The following ITGBL1 variants were observed in gnomAD, a reference collection of about 807,000 sequenced individuals.
The protein encoded by ITGBL1 is integrin subunit beta like 1.
A neutral mutation model predicts 68.5 loss-of-function variants in ITGBL1; 51 were observed. The observed-to-expected ratio is 0.74, with a 90% CI of 0.59 to 0.94. The LOEUF (loss-of-function observed/expected upper bound fraction) is 0.94, where lower values mean the gene tolerates loss of function less well. Ranked by LOEUF, ITGBL1 falls within the 40% of genes least tolerant of loss-of-function variation. The pLI is 0.00. For missense variants in ITGBL1, 649 were observed against 647.4 expected, an observed-to-expected ratio of 1.00 and a Z score of -0.03; for synonymous variants, 209 against 227.3, an observed-to-expected ratio of 0.92 and a Z score of 0.72.
intron 2 of ITGBL1, among the ~76,000 whole-genome samples, chr13:101,476,045 T>C (rs1318613029): frequency 6.6e-6 from 1 of 152,106 alleles, no homozygotes; most frequent in Non-Finnish European, 1.5e-5. Context: ...AACAGACAAA[T>C]ACAGAATATT....
intron 2 of ITGBL1, among the ~76,000 whole-genome samples, chr13:101,469,158 A>G (rs1471642116): frequency 2.0e-5 from 3 of 152,248 alleles, no homozygotes; most frequent in African/African-American, 4.8e-5. Flanking sequence ...TAATATACGT[A>G]TAGCCTTTTT....
chr13:101,653,145 G>GGGAGGA (rs368569185), intron 7 of ITGBL1, among the ~76,000 whole-genome samples: 1 of 150,488 alleles, frequency 6.6e-6, no homozygotes, highest in East Asian at 2.0e-4. Context: ...AAGGGGGAGG[G>GGGAGGA]GGAGGAGGAG....
At chr13:101,680,681 A>G (rs1191623538) in intron 7 of ITGBL1, among the ~76,000 whole-genome samples, 1 of 152,186 alleles carries the variant, frequency 6.6e-6, no homozygotes, top group Non-Finnish European at 1.5e-5. Context: ...CTATGTGCCA[A>G]GCCCTGTACT....
At chr13:101,571,033 A>G (rs2050263574) in intron 3 of ITGBL1, among the ~76,000 whole-genome samples, 1 of 152,164 alleles carries the variant, frequency 6.6e-6, no homozygotes, top group Non-Finnish European at 1.5e-5. Context: ...ATATGCATGT[A>G]CACATACACA....
intron 7 of ITGBL1, among the ~76,000 whole-genome samples, chr13:101,606,026 T>C (rs1014793028): frequency 6.9e-6 from 1 of 145,816 alleles, no homozygotes; most frequent in Admixed American, 6.9e-5. Context: ...ATATATGTTA[T>C]ATAGCATATA....
At chr13:101,603,026 G>A (rs991039902) in intron 7 of ITGBL1, among the ~76,000 whole-genome samples, 1 of 151,950 alleles carries the variant, frequency 6.6e-6, no homozygotes, top group African/African-American at 2.4e-5. Context: ...TATGAATAAT[G>A]CTGCTACAAA....
chr13:101,573,876 C>T (rs1209009576), intron 3 of ITGBL1, among the ~76,000 whole-genome samples: 2 of 152,126 alleles, frequency 1.3e-5, no homozygotes, highest in African/African-American at 4.8e-5. Context: ...ACCCTTTACA[C>T]TCAGTCACCA....
At chr13:101,575,790 C>A (rs1394087899) in intron 4 of ITGBL1, among the ~76,000 whole-genome samples, 2 of 152,166 alleles carry the variant, frequency 1.3e-5, no homozygotes, top group African/African-American at 4.8e-5. Flanking sequence ...AACAGGCCAA[C>A]TGCATAGCTC....
chr13:101,604,752 G>A (rs932453897), intron 7 of ITGBL1, among the ~76,000 whole-genome samples: 2 of 146,078 alleles, frequency 1.4e-5, no homozygotes, highest in Admixed American at 7.0e-5. Context: ...AGACCCATCA[G>A]TTTCTCAATC....
chr13:101,509,676 G>A (rs1185636853), intron 2 of ITGBL1, among the ~76,000 whole-genome samples: 1 of 152,072 alleles, frequency 6.6e-6, no homozygotes, highest in African/African-American at 2.4e-5. Context: ...AAATGAATGG[G>A]GAAATTTTGG....
rs572962923 is a variant in ITGBL1 at position 101,674,657 on chromosome 13, A to G, written c.1016-17928A>G. Among the ~76,000 whole-genome samples, 17 of 152,006 alleles carry G rather than the reference A, an allele frequency of 1.1e-4. No individual in the cohort carries two copies. In the South Asian group the frequency reaches 1.9e-3, roughly 17 times the overall value. On this transcript the variant is annotated intron_variant, in intron 7 of 10. Coordinates refer to ENST00000376180, the MANE Select transcript of ITGBL1 (RefSeq NM_004791.3). ...ATTTTGATTTTAAAATGATAAAGCAACCCTCTATTCCTTGACTAAATCTAC... is the reference window on the plus strand; with the variant it reads ...ATTTTGATTTTAAAATGATAAAGCAGCCCTCTATTCCTTGACTAAATCTAC...
chr13:101,503,624 A>T (rs776741470), intron 2 of ITGBL1, among the ~76,000 whole-genome samples: 3 of 152,154 alleles, frequency 2.0e-5, no homozygotes, highest in Non-Finnish European at 4.4e-5. Flanking sequence ...CCCCTAGGGG[A>T]GTACACCCTG....
At chr13:101,542,994 G>T (rs978778350) in intron 2 of ITGBL1, among the ~76,000 whole-genome samples, 39 of 152,218 alleles carry the variant, frequency 2.6e-4, no homozygotes, top group African/African-American at 8.2e-4. Flanking sequence ...ACACTGATGG[G>T]TCTTGACTCT....
intron 2 of ITGBL1, among the ~76,000 whole-genome samples, chr13:101,539,938 G>A (rs902526110): frequency 6.6e-6 from 1 of 152,140 alleles, no homozygotes; most frequent in African/African-American, 2.4e-5. Flanking sequence ...GTTCTTTGTA[G>A]TTTCTGGATA....
intron 2 of ITGBL1, among the ~76,000 whole-genome samples, chr13:101,514,487 T>C (rs2049164966): frequency 6.6e-6 from 1 of 152,106 alleles, no homozygotes; most frequent in South Asian, 2.1e-4. Context: ...TTTTAGGAGC[T>C]AATTTATTTC....
chr13:101,706,113 A>G (rs1338290208), intron 8 of ITGBL1, among the ~76,000 whole-genome samples: 2 of 152,234 alleles, frequency 1.3e-5, no homozygotes, highest in Non-Finnish European at 2.9e-5. Context: ...AATGTTACAT[A>G]TATACCAAAA....
chr13:101,466,222 T>C (rs1162806612), intron 2 of ITGBL1, among the ~76,000 whole-genome samples: 2 of 152,216 alleles, frequency 1.3e-5, no homozygotes, highest in Non-Finnish European at 2.9e-5. Context: ...GGAATATTAG[T>C]AATAGTAAAG....
intron 2 of ITGBL1, among the ~76,000 whole-genome samples, chr13:101,484,188 T>C (rs776918268): frequency 9.9e-5 from 15 of 152,132 alleles, no homozygotes; most frequent in Non-Finnish European, 1.6e-4. Context: ...TTTTCTAAGT[T>C]TTATTTTTAT....
chr13:101,598,340 A>C lies in ITGBL1; in HGVS notation c.1015+41A>C, dbSNP rs1277471126. 3 of 1,456,180 alleles carry C rather than the reference A, an allele frequency of 2.1e-6. No homozygotes were observed. The African/African-American group carries it at 4.3e-5, about 21-fold the overall frequency. The allele number at this position is 1,456,180 out of a possible 1,614,324, so 90.2% of individuals were successfully genotyped here. On this transcript the variant is annotated intron_variant, in intron 7 of 10. Coordinates refer to ENST00000376180, the MANE Select transcript of ITGBL1 (RefSeq NM_004791.3). The stretch of plus-strand genomic sequence containing the variant: ...CAGGGCTTCCCACGGCCTCTCCATC[A>C]CAATTCAAATGAATTCAATGCACAC...
Sources: allele counts gnomAD v4.1 joint callset (sites outside exome capture counted in the v4.1 genomes callset), GRCh38; gene constraint gnomAD v4.1.1; transcripts MANE v1.5; gene names NCBI Gene and HGNC (gene_info 2026-07-23, HGNC 2026-07-21).